SLC9A9: variants seen among roughly 807,000 people sequenced by gnomAD.
SLC9A9 encodes sodium/hydrogen exchanger 9.
SLC9A9 carries 62 observed loss-of-function variants against 77.8 expected under a neutral mutation model. The observed-to-expected ratio is 0.80, with a 90% CI of 0.65 to 0.98. The LOEUF is 0.98. Among genes scored for constraint, SLC9A9 ranks in the 50% least tolerant of loss-of-function variants. The pLI is 0.00. For missense variants in SLC9A9, 775 were observed against 774.9 expected (o/e 1.00, Z 0.00); for synonymous variants, 320 against 283.5 (o/e 1.13, Z -1.29).
chr3:143,574,084 T>C lies in SLC9A9; in HGVS notation c.1000+4A>G, dbSNP rs200214958. ...CAGTTGGCTGTGCAGCATGAAGCAC[T>C]GACCTGTTAGGCCGGCAGCCTCGGC... On this transcript the variant is annotated splice_donor_region_variant and intron_variant, in intron 8 of 15. Transcript: ENST00000316549. 1.9e-6 allele frequency: 3 copies of C among 1,612,496 alleles called. No homozygotes were observed. Among genetic ancestry groups the C allele is most frequent in the East Asian group, 2.2e-5 (1 of 44,796 alleles).
intron 4 of SLC9A9, among the ~76,000 whole-genome samples, chr3:143,761,386 A>G (rs1163416619): frequency 2.0e-5 from 3 of 152,222 alleles, no homozygotes; most frequent in African/African-American, 7.2e-5. Flanking sequence ...AAAAGAAACT[A>G]TCATCAGAGT....
At chr3:143,690,555 A>AACTGTTGTCATT in intron 5 of SLC9A9, among the ~76,000 whole-genome samples, 1 of 152,268 alleles carries the variant, frequency 6.6e-6, no homozygotes. Flanking sequence ...ACCTATCAAA[A>AACTGTTGTCATT]ACTGTTGTCA....
intron 13 of SLC9A9, among the ~76,000 whole-genome samples, chr3:143,378,722 G>A (rs945595856): frequency 3.3e-5 from 5 of 152,118 alleles, no homozygotes; most frequent in Non-Finnish European, 5.9e-5. Context: ...GCTACCTGAG[G>A]GTTTTGTTTT....
intron 1 of SLC9A9, among the ~76,000 whole-genome samples, chr3:143,837,292 A>C (rs2009591487): frequency 6.6e-6 from 1 of 152,178 alleles, no homozygotes; most frequent in African/African-American, 2.4e-5. Context: ...ACAATGCAGC[A>C]AGCACAGCTA....
At chr3:143,393,723 AAG>A (rs1289289498) in intron 12 of SLC9A9, among the ~76,000 whole-genome samples, 7 of 152,176 alleles carry the variant, frequency 4.6e-5, no homozygotes, top group African/African-American at 1.7e-4. Flanking sequence ...TAAAGAAGAA[AAG>A]AGAGAAGAAT....
At chr3:143,785,832 G>T (rs2008032278) in intron 4 of SLC9A9, among the ~76,000 whole-genome samples, 1 of 140,002 alleles carries the variant, frequency 7.1e-6, no homozygotes, top group Non-Finnish European at 1.5e-5. Flanking sequence ...GTAATTCTAA[G>T]ACTTGAATTT....
chr3:143,284,575 A>AAATAT (rs958851044), intron 14 of SLC9A9, among the ~76,000 whole-genome samples: 38 of 152,078 alleles, frequency 2.5e-4, no homozygotes, highest in African/African-American at 8.7e-4. Context: ...AAGTATTCTA[A>AAATAT]AATATAATAT....
intron 6 of SLC9A9, among the ~76,000 whole-genome samples, chr3:143,644,979 G>A (rs1446940758): frequency 6.6e-6 from 1 of 152,132 alleles, no homozygotes; most frequent in African/African-American, 2.4e-5. Context: ...TGATCAAAAG[G>A]GGACAGCTTC....
At chr3:143,831,182 C>G (rs1485546280) in intron 2 of SLC9A9, among the ~76,000 whole-genome samples, 2 of 151,930 alleles carry the variant, frequency 1.3e-5, no homozygotes, top group African/African-American at 4.8e-5. Flanking sequence ...AATGGACTTC[C>G]ACAGTGTCAG....
intron 4 of SLC9A9, among the ~76,000 whole-genome samples, chr3:143,780,378 T>C (rs1430169779): frequency 2.0e-5 from 3 of 152,172 alleles, no homozygotes; most frequent in Non-Finnish European, 4.4e-5. Context: ...ATAATGAAGA[T>C]ATTATGATCA....
At chr3:143,778,037 C>CAAACAAAAAAAAAA (rs2007753038) in intron 4 of SLC9A9, among the ~76,000 whole-genome samples, 1 of 75,572 alleles carries the variant, frequency 1.3e-5, no homozygotes, top group Non-Finnish European at 2.4e-5. Context: ...TTATAAAATG[C>CAAACAAAAAAAAAA]AAAAAAAAAA....
intron 9 of SLC9A9, among the ~76,000 whole-genome samples, chr3:143,536,283 C>T (rs998127087): frequency 6.6e-6 from 1 of 152,018 alleles, no homozygotes; most frequent in Non-Finnish European, 1.5e-5. Flanking sequence ...CCCATTTTCC[C>T]ACCCATGTTT....
In SLC9A9 at chr3:143,796,863, G is replaced by A. The variant is rs1471433876; in HGVS notation, c.419C>T (p.Pro140Leu). 1 of 1,611,228 alleles carries A rather than the reference G, an allele frequency of 6.2e-7. No homozygotes were observed. The highest frequency in any genetic ancestry group is 1.3e-5 in the African/African-American group (1 of 74,752). Reference protein sequence around the residue: ...DPEIFFNVLLPPIIFHAGYSL... With the variant: ...DPEIFFNVLLLPIIFHAGYSL... ...ATATCCTGCATGAAATATAATTGGT[G>A]GCAGTAAAACATTGAAGAAGATTTC... The change falls in exon 3 of 16, where the codon CCA becomes CTA. Residue 140 changes from proline to leucine, a missense_variant. Coordinates refer to ENST00000316549, the MANE Select transcript of SLC9A9 (RefSeq NM_173653.4).
chr3:143,482,122 C>T (rs2035584775), intron 11 of SLC9A9, among the ~76,000 whole-genome samples: 1 of 152,184 alleles, frequency 6.6e-6, no homozygotes, highest in African/African-American at 2.4e-5. Context: ...CAGAACAGTG[C>T]TCCACAAAAC....
chr3:143,363,948 T>C (rs2032826239), intron 13 of SLC9A9, among the ~76,000 whole-genome samples: 1 of 152,214 alleles, frequency 6.6e-6, no homozygotes, highest in African/African-American at 2.4e-5. Flanking sequence ...GTGAGGATAA[T>C]AGTCTAATAA....
chr3:143,482,887 C>T (rs545762687), intron 11 of SLC9A9, among the ~76,000 whole-genome samples: 10 of 152,176 alleles, frequency 6.6e-5, no homozygotes, highest in African/African-American at 9.6e-5. Flanking sequence ...GTTGTTCACT[C>T]GTGGCATTAA....
intron 6 of SLC9A9, among the ~76,000 whole-genome samples, chr3:143,606,277 C>T (rs916201384): frequency 6.6e-5 from 10 of 151,468 alleles, no homozygotes; most frequent in East Asian, 1.9e-4. Context: ...TGGTGGCAGG[C>T]GCCTATAACC....
At chr3:143,607,008 A>G (rs894818911) in intron 6 of SLC9A9, among the ~76,000 whole-genome samples, 1 of 152,128 alleles carries the variant, frequency 6.6e-6, no homozygotes, top group Non-Finnish European at 1.5e-5. Context: ...AAAGTAAAAT[A>G]TCAACCAGAG....
chr3:143,803,113 G>A (rs1014357157), intron 2 of SLC9A9, among the ~76,000 whole-genome samples: 11 of 152,036 alleles, frequency 7.2e-5, no homozygotes, highest in Admixed American at 5.9e-4. Flanking sequence ...GTCATCTATA[G>A]TACCCCAACT....
Sources: allele counts gnomAD v4.1 joint callset (sites outside exome capture counted in the v4.1 genomes callset), GRCh38; gene constraint gnomAD v4.1.1; transcripts MANE v1.5; gene names NCBI Gene and HGNC (gene_info 2026-07-23, HGNC 2026-07-21).